CADM2: variants seen among roughly 807,000 people sequenced by gnomAD.
The protein encoded by CADM2 is cell adhesion molecule 2, also known as immunoglobulin superfamily member 4D.
A neutral mutation model predicts 49.8 loss-of-function variants in CADM2; 12 were observed. The observed-to-expected ratio is 0.24, with a 90% confidence interval of 0.15 to 0.39. The LOEUF is 0.39. CADM2 is among the 10% of genes least tolerant of loss of function. The pLI, the probability that CADM2 is intolerant of heterozygous loss-of-function variation, is 1.00. For synonymous variants in CADM2, 214 were observed against 175.4 expected (o/e 1.22, Z -1.74); for missense variants, 378 against 492.3 (o/e 0.77, Z 2.20).
intron 3 of CADM2, among the ~76,000 whole-genome samples, chr3:85,855,375 C>T (rs2075267168): frequency 6.6e-6 from 1 of 151,978 alleles, no homozygotes; most frequent in Admixed American, 6.6e-5. Context: ...ATTACACACT[C>T]ATGACGCTGC....
intron 1 of CADM2, among the ~76,000 whole-genome samples, chr3:85,301,488 G>A (rs935377098): frequency 4.0e-5 from 6 of 151,800 alleles, no homozygotes; most frequent in African/African-American, 1.5e-4. Context: ...ATTTGTCTGC[G>A]GTGTATGTGT....
At chr3:85,669,512 A>G (rs949247349) in intron 1 of CADM2, among the ~76,000 whole-genome samples, 1 of 152,180 alleles carries the variant, frequency 6.6e-6, no homozygotes, top group Non-Finnish European at 1.5e-5. Flanking sequence ...AGCAATGGTC[A>G]GTCAAGTATT....
At chr3:85,984,698 A>G (rs144083728) in intron 8 of CADM2, among the ~76,000 whole-genome samples, 6 of 152,042 alleles carry the variant, frequency 3.9e-5, no homozygotes, top group African/African-American at 1.2e-4. Flanking sequence ...CAAATACACC[A>G]TACATTTCAA....
intron 1 of CADM2, among the ~76,000 whole-genome samples, chr3:85,417,392 G>A (rs1189774078): frequency 6.6e-6 from 1 of 152,054 alleles, no homozygotes; most frequent in East Asian, 1.9e-4. Flanking sequence ...ATTCAAACAC[G>A]AATCGAGGCC....
chr3:85,526,655 T>C lies in CADM2; in HGVS notation c.62-199867T>C, dbSNP rs1443583959. On this transcript the variant is annotated intron_variant, in intron 1 of 9. Transcript: ENST00000383699. ...TAATAATTCCAAGCTTATAAGTTTT[T>C]ATTGAAGACCAAAAATGAAACACTG... 2.6e-5 allele frequency among the ~76,000 whole-genome samples: 4 copies of C among 152,166 alleles called. No individual in the cohort carries two copies. In the East Asian group the frequency reaches 7.7e-4, roughly 29 times the overall value.
At chr3:85,295,806 T>C (rs974410465) in intron 1 of CADM2, among the ~76,000 whole-genome samples, 4 of 151,952 alleles carry the variant, frequency 2.6e-5, no homozygotes, top group East Asian at 1.9e-4. Flanking sequence ...AGGGATAGCA[T>C]TGGGAGATAT....
intron 8 of CADM2, among the ~76,000 whole-genome samples, chr3:86,008,125 A>AT (rs1012682794): frequency 1.1e-4 from 16 of 152,028 alleles, no homozygotes; most frequent in South Asian, 1.0e-3. Flanking sequence ...GTGAAAATCA[A>AT]TTTTTTTTTC....
intron 5 of CADM2, among the ~76,000 whole-genome samples, chr3:85,906,431 A>C (rs1716824293): frequency 6.6e-6 from 1 of 152,134 alleles, no homozygotes; most frequent in Admixed American, 6.5e-5. Context: ...CATAAACATT[A>C]TTTTTCTCAT....
At chr3:85,118,692 C>T (rs1030968833) in intron 1 of CADM2, among the ~76,000 whole-genome samples, 2 of 152,118 alleles carry the variant, frequency 1.3e-5, no homozygotes, top group African/African-American at 4.8e-5. Context: ...AACCATATCA[C>T]CATGTTTTTA....
At chr3:84,975,436 C>T (rs140128242) in intron 1 of CADM2, among the ~76,000 whole-genome samples, 33 of 151,380 alleles carry the variant, frequency 2.2e-4, no homozygotes, top group African/African-American at 6.3e-4. Context: ...TTGTAAGTTA[C>T]GTTTCTTAAG....
At chr3:85,495,443 T>C (rs1179065563) in intron 1 of CADM2, among the ~76,000 whole-genome samples, 1 of 152,170 alleles carries the variant, frequency 6.6e-6, no homozygotes, top group African/African-American at 2.4e-5. Flanking sequence ...CAATGTGAGG[T>C]GACCCAAAGA....
chr3:85,412,364 A>C (rs2035694274), intron 1 of CADM2, among the ~76,000 whole-genome samples: 1 of 152,194 alleles, frequency 6.6e-6, no homozygotes, highest in African/African-American at 2.4e-5. Flanking sequence ...ATTGCCAAAT[A>C]AGTGAAAATT....
intron 1 of CADM2, among the ~76,000 whole-genome samples, chr3:85,413,161 A>AAAAAAAAATAAT (rs1553720239): frequency 6.5e-5 from 7 of 108,524 alleles, no homozygotes; most frequent in African/African-American, 2.4e-4. Context: ...AAAAAAAAAA[A>AAAAAAAAATAAT]AATAATAATA....
chr3:85,588,500 C>A (rs1454303612), intron 1 of CADM2, among the ~76,000 whole-genome samples: 1 of 152,020 alleles, frequency 6.6e-6, no homozygotes, highest in Non-Finnish European at 1.5e-5. Context: ...ATAATGTATT[C>A]TTCATGCTAA....
chr3:85,417,356 A>G (rs1576515748), intron 1 of CADM2, among the ~76,000 whole-genome samples: 1 of 152,290 alleles, frequency 6.6e-6, no homozygotes, highest in African/African-American at 2.4e-5. Context: ...ACCTCCTGAA[A>G]TGTACCCTGC....
chr3:85,134,372 G>A lies in CADM2; in HGVS notation c.61+174704G>A, dbSNP rs184754582. On this transcript the variant is annotated intron_variant, in intron 1 of 9. Transcript: ENST00000383699. ...CCAAAGTGGGAGCCCAGGCAGAGGA[G>A]GCGCCGAGAGCGAGCGAGGGCCGTG... Among the ~76,000 whole-genome samples, 718 of 152,366 alleles carry A rather than the reference G, an allele frequency of 4.7e-3. 6 individuals carry two copies. The highest frequency in any genetic ancestry group is 0.017 in the African/African-American group (696 of 41,594).
At chr3:85,536,398 A>G (rs541712789) in intron 1 of CADM2, among the ~76,000 whole-genome samples, 3 of 152,094 alleles carry the variant, frequency 2.0e-5, no homozygotes, top group South Asian at 4.1e-4. Context: ...TTTCTAAAAA[A>G]AAAATGATGT....
chr3:85,247,647 CGAA>C (rs1303091539), intron 1 of CADM2, among the ~76,000 whole-genome samples: 1 of 152,066 alleles, frequency 6.6e-6, no homozygotes, highest in Non-Finnish European at 1.5e-5. Context: ...TTAGGAGCTG[CGAA>C]TTGACTTGGA....
At chr3:85,498,634 A>G (rs1299437249) in intron 1 of CADM2, among the ~76,000 whole-genome samples, 1 of 152,228 alleles carries the variant, frequency 6.6e-6, no homozygotes, top group Admixed American at 6.5e-5. Context: ...GTGATTTATT[A>G]TAAATTAATA....
Sources: gnomAD v4.1 joint callset for allele counts (sites outside exome capture counted in the v4.1 genomes callset) on GRCh38, gnomAD v4.1.1 for gene constraint, MANE v1.5 for transcripts, NCBI Gene and HGNC (gene_info 2026-07-23, HGNC 2026-07-21) for gene names.